The following NR2E3 variants were observed in gnomAD, a reference collection of about 807,000 sequenced individuals.
NR2E3 encodes the protein photoreceptor-specific nuclear receptor.
Under a neutral mutation model 37.6 loss-of-function variants are expected in NR2E3, and 38 were observed. That is an observed-to-expected ratio of 1.01 (90% CI 0.78 to 1.33). The LOEUF (loss-of-function observed/expected upper bound fraction) is 1.33, where lower values mean the gene tolerates loss of function less well. NR2E3 is among the 40% of genes most tolerant of loss of function. NR2E3 has a pLI of 0.00. For missense variants in NR2E3, 562 were observed against 558.7 expected (o/e 1.01, Z -0.06); for synonymous variants, 235 against 225.1 (o/e 1.04, Z -0.39).
chr15:71,813,742 T>A lies in NR2E3; in HGVS notation c.994+107T>A. 6.4e-7 allele frequency: 1 copy of A among 1,553,936 alleles called. No individual in the cohort carries two copies. The highest frequency in any genetic ancestry group is 1.1e-5 in the South Asian group (1 of 88,324). On this transcript the variant is annotated intron_variant, in intron 6 of 7. Transcript: ENST00000617575. This position sits in a 1 kb window ranked among gnomAD's most constrained non-coding sequence, Gnocchi z 4.7. ...GTGTGCAGATGTGTGTAGGCCTCTA[T>A]CCTGGGGGGTGGGAGGAGAGTGGTG...
Position 71,812,404 on chromosome 15 carries a change from C to G in NR2E3, c.640C>G (p.Pro214Ala), listed in dbSNP as rs371694743. 6.2e-7 allele frequency: 1 copy of G among 1,613,866 alleles called. No individual in the cohort carries two copies. The highest frequency in any genetic ancestry group is 1.3e-5 in the African/African-American group (1 of 74,936). Residue 214 changes from proline to alanine, a missense_variant, in exon 5 of 8, where the codon CCC becomes GCC. Transcript: ENST00000617575. Reference protein sequence around the residue: ...FPSSPYSSSSPCGLDSIHETS... With the variant: ...FPSSPYSSSSACGLDSIHETS... ...CTCCTCTCCATACTCCTCTTCCTCC[C>G]CCTGCGGCCTGGACAGCATCCATGA...
In NR2E3 at chr15:71,811,240, C is replaced by T. The variant is rs1203312253; in HGVS notation, c.119-243C>T. 1.3e-5 allele frequency among the ~76,000 whole-genome samples: 2 copies of T among 148,198 alleles called. No individual in the cohort carries two copies. Among genetic ancestry groups the T allele is most frequent in the Admixed American group, 6.7e-5 (1 of 14,836 alleles). The stretch of plus-strand genomic sequence containing the variant: ...GAGCTGGGAAAGTGGAGCTAGGGCT[C>T]GGACTCTTGCTGAAAATTGGCCATT... On this transcript the variant is annotated intron_variant, in intron 1 of 7. Transcript: ENST00000617575. This position sits in a 1 kb window ranked among gnomAD's most constrained non-coding sequence, Gnocchi z 5.6.
chr15:71,814,997 A>C, intron 7 of NR2E3: 1 of 797,010 alleles, frequency 1.3e-6, no homozygotes, highest in Non-Finnish European at 1.5e-6. Context: ...GGAAGATGAT[A>C]AGGTGTTTTG....
rs1567160201 is a variant in NR2E3, at chr15:71,812,334, A to C, written c.572-2A>C. The C allele has an allele frequency of 1.2e-6, 2 of 1,613,470 alleles. No individual in the cohort carries two copies. The highest frequency in any genetic ancestry group is 2.7e-5 in the African/African-American group (2 of 74,840). ...TAAGATCACAACCTCCTCCTCCAAC[A>C]GCTGATGAGAATATTGATGTCACCA... On this transcript the variant is annotated splice_acceptor_variant, in intron 4 of 7. Transcript: ENST00000617575. LOFTEE classifies it high-confidence loss of function.
Position 71,812,448 on chromosome 15 carries a change from C to T in NR2E3, c.684C>T (p.Leu228=), listed in dbSNP as rs1440644342. The T allele has an allele frequency of 1.2e-6, 2 of 1,613,990 alleles. No individual in the cohort carries two copies. Among genetic ancestry groups the T allele is most frequent in the East Asian group, 2.2e-5 (1 of 44,874 alleles). The change falls in exon 5 of 8, where the codon CTC becomes CTT. Residue 228 remains leucine (L), a synonymous_variant. Coordinates refer to ENST00000617575, the MANE Select transcript of NR2E3 (RefSeq NM_014249.4). ...TCCATGAGACCTCGGCTCGCCTACTCTTCATGGCCGTCAAGTGGGCCAAGA... is the reference window on the plus strand; with the variant it reads ...TCCATGAGACCTCGGCTCGCCTACTTTTCATGGCCGTCAAGTGGGCCAAGA... ...DSIHETSARL[L]FMAVKWAKNL...
intron 7 of NR2E3, chr15:71,814,583 G>A (rs2054213473): frequency 1.1e-6 from 1 of 944,732 alleles, no homozygotes; most frequent in Non-Finnish European, 1.3e-6. Flanking sequence ...GTTCCTGCCA[G>A]TGAGAAATGG....
chr15:71,813,894 C>T lies in NR2E3; in HGVS notation c.995-118C>T. On this transcript the variant is annotated intron_variant, in intron 6 of 7. Transcript: ENST00000617575. This position sits in a 1 kb window ranked among gnomAD's most constrained non-coding sequence, Gnocchi z 4.7. The stretch of plus-strand genomic sequence containing the variant: ...GGTGGCTCCTCTGGGCCTGGCAGAG[C>T]CCACCCCACAGGGCCCCAGGTCCAT... The T allele has an allele frequency of 6.5e-7, 1 of 1,532,512 alleles. No individual in the cohort carries two copies. Among genetic ancestry groups the T allele is most frequent in the Admixed American group, 2.0e-5 (1 of 50,452 alleles). The allele number at this position is 1,532,512 out of a possible 1,614,324, so 94.9% of individuals were successfully genotyped here. A position where few individuals can be genotyped will look rare whatever the true frequency, so the allele number is the denominator to read the frequency against.
rs1409384602 is a variant in NR2E3, at chr15:71,813,481, G to A, written c.840G>A (p.Pro280=). The change falls in exon 6 of 8, where the codon CCG becomes CCA. Residue 280 remains proline, a synonymous_variant. Transcript: ENST00000617575. The surrounding 1 kb of genome is among the most constrained non-coding windows in gnomAD (Gnocchi z 4.7). ...TGGACAGCTGTCCTCTGCTGGCACC[G>A]CCCGAGGCCTCTGCTGCCGGTGGTG... ...LPLDSCPLLA[P]PEASAAGGAQ... is the part of the protein sequence containing the mutation. 6.2e-6 allele frequency: 10 copies of A among 1,610,344 alleles called. No individual in the cohort carries two copies. Among genetic ancestry groups the A allele is most frequent in the Middle Eastern group, 3.3e-4 (2 of 6,078 alleles).
At chr15:71,816,257 CT>C (rs59789846) in intron 7 of NR2E3, among the ~76,000 whole-genome samples, 18,821 of 121,802 alleles carry the variant, frequency 0.15, 751 homozygotes, top group East Asian at 0.32. Context: ...TTAGCAAATA[CT>C]TTTTTTTTTT....
Position 71,811,551 on chromosome 15 carries a change from G to T in NR2E3, c.187G>T (p.Ala63Ser). Reference sequence around the variant, plus strand: ...CAGCGGGAAGCACTATGGCATCTATGCCTGCAACGGCTGCAGCGGCTTCTT... The same window carrying T: ...CAGCGGGAAGCACTATGGCATCTATTCCTGCAACGGCTGCAGCGGCTTCTT... ...SSSGKHYGIY[A>S]CNGCSGFFKR... The change falls in exon 2 of 8, where the codon GCC becomes TCC. Residue 63 changes from alanine (A) to serine (S), a missense_variant. Coordinates refer to ENST00000617575, the MANE Select transcript of NR2E3 (RefSeq NM_014249.4). The surrounding 1 kb of genome is among the most constrained non-coding windows in gnomAD (Gnocchi z 5.6). The T allele has an allele frequency of 6.3e-7, 1 of 1,597,528 alleles. No individual in the cohort carries two copies. The highest frequency in any genetic ancestry group is 8.5e-7 in the Non-Finnish European group (1 of 1,172,556).
intron 1 of NR2E3, 121 bp downstream of exon 1, chr15:71,810,982 G>T: frequency 9.1e-7 from 1 of 1,097,826 alleles, no homozygotes; most frequent in East Asian, 2.6e-5. Flanking sequence ...GCCGGCTGTG[G>T]GCAAGGGTGG....
Position 71,813,490 on chromosome 15 carries a change from C to T in NR2E3, c.849C>T (p.Ala283=), listed in dbSNP as rs2054202921. ...DSCPLLAPPE[A]SAAGGAQGRL... ...GTCCTCTGCTGGCACCGCCCGAGGC[C>T]TCTGCTGCCGGTGGTGCCCAGGGCC... is the stretch of plus-strand genomic sequence containing the variant. The change falls in exon 6 of 8, where the codon GCC becomes GCT. Residue 283 remains alanine (A), a synonymous_variant. Coordinates refer to ENST00000617575, the MANE Select transcript of NR2E3 (RefSeq NM_014249.4). The surrounding 1 kb of genome is among the most constrained non-coding windows in gnomAD (Gnocchi z 4.7). 2.5e-6 allele frequency: 4 copies of T among 1,611,964 alleles called. No individual in the cohort carries two copies. The highest frequency in any genetic ancestry group is 1.1e-5 in the South Asian group (1 of 90,664).
intron 7 of NR2E3, among the ~76,000 whole-genome samples, chr15:71,816,183 G>T (rs1380326867): frequency 4.0e-5 from 6 of 151,724 alleles, no homozygotes; most frequent in African/African-American, 1.2e-4. Context: ...CCCAGGGAAG[G>T]TTTAGTTCCC....
At chr15:71,816,066 G>C (rs957399589) in intron 7 of NR2E3, among the ~76,000 whole-genome samples, 1 of 152,106 alleles carries the variant, frequency 6.6e-6, no homozygotes, top group Non-Finnish European at 1.5e-5. Context: ...GCAGATCACT[G>C]AGTGGTGGGG....
chr15:71,813,698 C>G lies in NR2E3; in HGVS notation c.994+63C>G. The G allele has an allele frequency of 6.2e-7, 1 of 1,601,626 alleles. No individual in the cohort carries two copies. Among genetic ancestry groups the G allele is most frequent in the South Asian group, 1.1e-5 (1 of 90,744 alleles). ...TGGTGACTTCCATCTGCCTCTCACT[C>G]TCCCTCCACTACCCCCATGTGTGCA... is the stretch of plus-strand genomic sequence containing the variant. On this transcript the variant is annotated intron_variant, in intron 6 of 7. Transcript: ENST00000617575. This position sits in a 1 kb window ranked among gnomAD's most constrained non-coding sequence, Gnocchi z 4.7.
chr15:71,816,492 C>T (rs2054227325), intron 7 of NR2E3, among the ~76,000 whole-genome samples: 2 of 152,078 alleles, frequency 1.3e-5, no homozygotes. Context: ...GATCTCCTGA[C>T]CTCGTGTTCC....
intron 5 of NR2E3, among the ~76,000 whole-genome samples, chr15:71,812,959 C>T (rs1426505086): frequency 1.3e-5 from 2 of 152,144 alleles, no homozygotes; most frequent in Non-Finnish European, 2.9e-5. Context: ...CCATCCCTCT[C>T]GGCTTCTAAT....
chr15:71,814,522 G>A lies in NR2E3; in HGVS notation c.1100+405G>A, dbSNP rs188978131. 8 of 983,422 alleles carry A rather than the reference G, an allele frequency of 8.1e-6. No homozygotes were observed. In the African/African-American group the frequency reaches 1.2e-4, roughly 15 times the overall value. The allele number at this position is 983,422 out of a possible 1,614,324, so 60.9% of individuals were successfully genotyped here. A position where few individuals can be genotyped will look rare whatever the true frequency, so the allele number is the denominator to read the frequency against. ...AACATCATTTGCAAAGGGAGAGAGG[G>A]GCAAGCATGATATGTTGTTAGAACA... On this transcript the variant is annotated intron_variant, in intron 7 of 7. Transcript: ENST00000617575.
chr15:71,815,532 C>T (rs978064311), intron 7 of NR2E3, among the ~76,000 whole-genome samples: 6 of 152,158 alleles, frequency 3.9e-5, no homozygotes, highest in African/African-American at 1.4e-4. Flanking sequence ...CCAGAGATGT[C>T]CTGGCATATT....
Sources: allele counts gnomAD v4.1 joint callset (sites outside exome capture counted in the v4.1 genomes callset), GRCh38; gene constraint gnomAD v4.1.1; non-coding constraint Gnocchi (gnomAD v3.1); transcripts MANE v1.5; gene names NCBI Gene and HGNC (gene_info 2026-07-23, HGNC 2026-07-21).